The following SOX5 variants were observed in gnomAD, a reference collection of about 807,000 sequenced individuals.
SOX5 encodes SRY-box transcription factor 5, also known as transcription factor SOX-5.
SOX5 carries 9 observed loss-of-function variants against 92.0 expected under a neutral mutation model. The ratio of observed to expected loss-of-function variants is 0.10; its 90% confidence interval spans 0.06 to 0.17. SOX5 has a LOEUF of 0.17. Ranked by LOEUF, SOX5 falls within the 10% of genes least tolerant of loss-of-function variation. SOX5 has a pLI of 1.00. For synonymous variants in SOX5, 344 were observed against 336.3 expected, an observed-to-expected ratio of 1.02 and a Z score of -0.25; for missense variants, 642 against 944.5, an observed-to-expected ratio of 0.68 and a Z score of 4.20.
At chr12:23,947,011 A>C (rs1200502316) in intron 1 of SOX5, among the ~76,000 whole-genome samples, 1 of 151,972 alleles carries the variant, frequency 6.6e-6, no homozygotes, top group Non-Finnish European at 1.5e-5. Flanking sequence ...ATATAGACAT[A>C]TACAAATCTA....
intron 3 of SOX5, among the ~76,000 whole-genome samples, chr12:23,824,892 T>C (rs1035572427): frequency 5.9e-5 from 9 of 152,110 alleles, no homozygotes; most frequent in African/African-American, 1.9e-4. Flanking sequence ...AACTGTGAGG[T>C]GGTTTAAACC....
At chr12:23,828,831 T>C (rs1320648453) in intron 3 of SOX5, among the ~76,000 whole-genome samples, 7 of 151,508 alleles carry the variant, frequency 4.6e-5, no homozygotes. Flanking sequence ...ATCCAAAAAA[T>C]GAGAGCAAGG....
At chr12:23,850,948 C>T (rs1405373651) in intron 2 of SOX5, among the ~76,000 whole-genome samples, 1 of 152,064 alleles carries the variant, frequency 6.6e-6, no homozygotes, top group East Asian at 1.9e-4. Context: ...AGGAAATTCG[C>T]TATGAACTCT....
rs78674098 is a variant in SOX5 at position 24,087,296 on chromosome 12, T to C, written c.-2+126047A>G. Among the ~76,000 whole-genome samples the C allele has an allele frequency of 6.1e-3, 931 of 152,168 alleles. 8 individuals are homozygous for C. The highest frequency in any genetic ancestry group is 0.035 in the South Asian group (167 of 4,830). Reference sequence around the variant, plus strand: ...GAAATGCATAAGAAAAAAGGACACATTGACAAATTTTCAAATAGAGATGTA... The same window carrying C: ...GAAATGCATAAGAAAAAAGGACACACTGACAAATTTTCAAATAGAGATGTA... On this transcript the variant is annotated intron_variant, in intron 4 of 4. Coordinates refer to the SOX5 transcript ENST00000446891.
chr12:24,029,825 C>A (rs1160903784), intron 4 of SOX5, among the ~76,000 whole-genome samples: 3 of 151,938 alleles, frequency 2.0e-5, no homozygotes, highest in African/African-American at 4.8e-5. Flanking sequence ...AATAGGAGGA[C>A]AACCAACATT....
intron 6 of SOX5, among the ~76,000 whole-genome samples, chr12:23,717,200 G>A (rs78921731): frequency 0.063 from 9,621 of 152,170 alleles, 337 homozygotes; most frequent in South Asian, 0.086. Context: ...AAAAATATTT[G>A]GATGTTTGAT....
intron 10 of SOX5, among the ~76,000 whole-genome samples, chr12:23,566,215 A>AAGCAAAT (rs1194268653): frequency 6.6e-6 from 1 of 152,198 alleles, no homozygotes; most frequent in Non-Finnish European, 1.5e-5. Flanking sequence ...CTCCGAAAAC[A>AAGCAAAT]AGCAAATAAA....
intron 4 of SOX5, among the ~76,000 whole-genome samples, chr12:24,110,389 T>C (rs1443741681): frequency 6.6e-6 from 1 of 152,200 alleles, no homozygotes. Context: ...TCTTATTCAA[T>C]TTTGTACAGT....
At chr12:23,713,984 C>A (rs924050810) in intron 6 of SOX5, among the ~76,000 whole-genome samples, 25 of 150,474 alleles carry the variant, frequency 1.7e-4, no homozygotes, top group Admixed American at 1.6e-3. Context: ...CCCAGCTACT[C>A]GCAAAGCTGA....
chr12:24,103,108 A>G (rs1946279479), intron 4 of SOX5, among the ~76,000 whole-genome samples: 1 of 152,210 alleles, frequency 6.6e-6, no homozygotes, highest in African/African-American at 2.4e-5. Context: ...ATAGATACAC[A>G]CTGTTATTGC....
intron 1 of SOX5, among the ~76,000 whole-genome samples, chr12:24,510,824 G>C (rs1204118116): frequency 6.6e-6 from 1 of 152,190 alleles, no homozygotes; most frequent in African/African-American, 2.4e-5. Context: ...TTACACACAT[G>C]AATCTAGATC....
intron 4 of SOX5, among the ~76,000 whole-genome samples, chr12:24,138,259 G>A (rs548389487): frequency 1.8e-4 from 28 of 152,232 alleles, no homozygotes; most frequent in African/African-American, 6.5e-4. Context: ...GCAGAAGTAC[G>A]AAAGCAAAAA....
chr12:23,983,523 G>A (rs1273300735), intron 4 of SOX5, among the ~76,000 whole-genome samples: 5 of 152,186 alleles, frequency 3.3e-5, no homozygotes, highest in Admixed American at 3.3e-4. Context: ...TGTAAAATTA[G>A]TGAGTGGTTG....
At chr12:23,801,660 C>T (rs1288393647) in intron 3 of SOX5, among the ~76,000 whole-genome samples, 1 of 152,106 alleles carries the variant, frequency 6.6e-6, no homozygotes, top group African/African-American at 2.4e-5. Flanking sequence ...ATTTTCTCCA[C>T]TTTTTAACAT....
chr12:24,163,381 T>C (rs369205324), intron 4 of SOX5, among the ~76,000 whole-genome samples: 11 of 152,238 alleles, frequency 7.2e-5, no homozygotes, highest in African/African-American at 2.6e-4. Flanking sequence ...GAGGTAGCCA[T>C]ATGATAATGA....
intron 1 of SOX5, among the ~76,000 whole-genome samples, chr12:24,435,946 C>A (rs1309952914): frequency 6.6e-6 from 1 of 152,096 alleles, no homozygotes; most frequent in Non-Finnish European, 1.5e-5. Flanking sequence ...GATCAGGGAT[C>A]TTTGATGTTA....
chr12:24,414,042 T>C (rs929861395), intron 1 of SOX5, among the ~76,000 whole-genome samples: 4 of 152,324 alleles, frequency 2.6e-5, no homozygotes, highest in South Asian at 4.1e-4. Flanking sequence ...AGTCATGAAG[T>C]CTTCTATGAT....
At chr12:24,037,322 C>T (rs922458271) in intron 4 of SOX5, among the ~76,000 whole-genome samples, 1 of 152,016 alleles carries the variant, frequency 6.6e-6, no homozygotes, top group Non-Finnish European at 1.5e-5. Context: ...AGACATTCAC[C>T]CCCTTGGAGC....
intron 13 of SOX5, among the ~76,000 whole-genome samples, chr12:23,540,860 G>A (rs981627618): frequency 3.9e-5 from 6 of 152,142 alleles, no homozygotes; most frequent in African/African-American, 4.8e-5. Context: ...GCATGCTGTC[G>A]GAGGCTGTTA....
Sources: allele counts gnomAD v4.1 joint callset (sites outside exome capture counted in the v4.1 genomes callset), GRCh38; gene constraint gnomAD v4.1.1; transcripts MANE v1.5; gene names NCBI Gene and HGNC (gene_info 2026-07-23, HGNC 2026-07-21).